NSD3: variants seen among roughly 807,000 people sequenced by gnomAD.
The protein encoded by NSD3 is nuclear receptor binding SET domain protein 3.
In NSD3, 24 loss-of-function variants were observed where a neutral mutation model predicts 160.8. The observed-to-expected ratio is 0.15, with a 90% CI of 0.11 to 0.21. NSD3 has a LOEUF of 0.21. Among genes scored for constraint, NSD3 ranks in the 10% least tolerant of loss-of-function variants. NSD3 has a pLI of 1.00. For missense variants in NSD3, 1,157 were observed against 1,735.9 expected, an observed-to-expected ratio of 0.67 and a Z score of 5.93; for synonymous variants, 520 against 600.0, an observed-to-expected ratio of 0.87 and a Z score of 1.95.
intron 12 of NSD3, among the ~76,000 whole-genome samples, chr8:38,313,093 A>G (rs1809571918): frequency 6.6e-6 from 1 of 152,236 alleles, no homozygotes. Context: ...ACTGTTCACA[A>G]GTTTTACTGC....
At position 38,381,926 on chromosome 8, in the gene NSD3, A is replaced by G. The variant is rs996143896; in HGVS notation, c.-172T>C. 1 of 152,806 alleles carries G rather than the reference A, an allele frequency of 6.5e-6. No homozygotes were observed. The highest frequency in any genetic ancestry group is 1.5e-5 in the Non-Finnish European group (1 of 68,356). The allele number at this position is 152,806 out of a possible 1,614,324, so 9.5% of individuals were successfully genotyped here. A position where few individuals can be genotyped will look rare whatever the true frequency, so the allele number is the denominator to read the frequency against. On this transcript the variant is annotated 5_prime_UTR_variant, in exon 1 of 24. Coordinates refer to ENST00000317025, the MANE Select transcript of NSD3 (RefSeq NM_023034.2). ...CGCGAGGAGGAGGCGGAACCGAGCTAGGCCGCATGAAATCCCCGGGCTAGA... is the reference window on the plus strand; with the variant it reads ...CGCGAGGAGGAGGCGGAACCGAGCTGGGCCGCATGAAATCCCCGGGCTAGA...
chr8:38,339,444 G>A (rs1424513521), intron 2 of NSD3, among the ~76,000 whole-genome samples: 1 of 151,974 alleles, frequency 6.6e-6, no homozygotes, highest in African/African-American at 2.4e-5. Context: ...TAATCTAGAT[G>A]GGCTGGGCAT....
chr8:38,362,138 A>G (rs1486621219), intron 1 of NSD3, among the ~76,000 whole-genome samples: 1 of 151,826 alleles, frequency 6.6e-6, no homozygotes, highest in East Asian at 1.9e-4. Context: ...ATATGGACAG[A>G]CTGAAAGTTA....
chr8:38,331,588 G>T lies in NSD3; in HGVS notation c.911-3C>A. On this transcript the variant is annotated splice_region_variant and splice_polypyrimidine_tract_variant and intron_variant, in intron 4 of 23. Coordinates refer to ENST00000317025, the MANE Select transcript of NSD3 (RefSeq NM_023034.2). ...CTGGACATGATATTCTCGGGCACCT[G>T]TAAGTAAAAATTCTTATTAACCATT... 1 of 1,608,524 alleles carries T rather than the reference G, an allele frequency of 6.2e-7. No homozygotes were observed. Among genetic ancestry groups the T allele is most frequent in the Non-Finnish European group, 8.5e-7 (1 of 1,178,522 alleles).
intron 1 of NSD3, among the ~76,000 whole-genome samples, chr8:38,355,074 G>A (rs1321850734): frequency 6.6e-6 from 1 of 152,162 alleles, no homozygotes; most frequent in Non-Finnish European, 1.5e-5. Context: ...CACACCAACT[G>A]ATAAAATGGT....
chr8:38,373,492 A>G (rs889652421), intron 1 of NSD3, among the ~76,000 whole-genome samples: 2 of 151,986 alleles, frequency 1.3e-5, no homozygotes, highest in African/African-American at 2.4e-5. Context: ...TAAAATGCCT[A>G]TTTCTTAAAG....
At position 38,329,272 on chromosome 8, in the gene NSD3, G is replaced by T; in HGVS notation, c.1581+106C>A. 1.5e-6 allele frequency: 2 copies of T among 1,311,836 alleles called. No individual in the cohort carries two copies. Among genetic ancestry groups the T allele is most frequent in the Non-Finnish European group, 2.1e-6 (2 of 963,164 alleles). 81.3% of individuals were successfully genotyped at this position (1,311,836 alleles called of 1,614,324 possible). A position where few individuals can be genotyped will look rare whatever the true frequency, so the allele number is the denominator to read the frequency against. On this transcript the variant is annotated intron_variant, in intron 6 of 23. Transcript: ENST00000317025. This position sits in a 1 kb window ranked among gnomAD's most constrained non-coding sequence, Gnocchi z 4.8. Reference sequence around the variant, plus strand: ...AATGACTGTATGTTTCAAATTCAGTGGGTAGAAAGGGTATTTAAATTATGC... The same window carrying T: ...AATGACTGTATGTTTCAAATTCAGTTGGTAGAAAGGGTATTTAAATTATGC...
chr8:38,372,932 T>TC (rs113260566), intron 1 of NSD3, among the ~76,000 whole-genome samples: 33,152 of 149,446 alleles, frequency 0.22, 3,867 homozygotes, highest in East Asian at 0.3. Flanking sequence ...GCACCTGTAG[T>TC]CGAGCTACTC....
At chr8:38,299,611 G>A in intron 14 of NSD3, 21 bp from the exon 15 acceptor site, 3 of 1,499,972 alleles carry the variant, frequency 2.0e-6, no homozygotes, top group Non-Finnish European at 2.7e-6. Context: ...CAAACAGAAA[G>A]AGATGAGCTG....
Position 38,317,875 on chromosome 8 carries a change from C to A in NSD3, c.1855+1020G>T, listed in dbSNP as rs1809707537. 1 of 1,587,976 alleles carries A rather than the reference C, an allele frequency of 6.3e-7. No homozygotes were observed. ...GAAATCAAAATCGAAAACAAAGAAACTGTTTATCAAGCCGCCGACAAAGAA... is the reference window on the plus strand; with the variant it reads ...GAAATCAAAATCGAAAACAAAGAAAATGTTTATCAAGCCGCCGACAAAGAA... On this transcript the variant is annotated intron_variant, in intron 9 of 23. Transcript: ENST00000317025. This position sits in a 1 kb window ranked among gnomAD's most constrained non-coding sequence, Gnocchi z 5.3.
At chr8:38,360,015 T>G (rs1038571506) in intron 1 of NSD3, among the ~76,000 whole-genome samples, 6 of 151,764 alleles carry the variant, frequency 4.0e-5, no homozygotes, top group African/African-American at 1.5e-4. Context: ...TTTTTTTTTT[T>G]GAGACGGTCT....
chr8:38,347,210 C>A (rs2150383579), intron 2 of NSD3, among the ~76,000 whole-genome samples: 1 of 152,242 alleles, frequency 6.6e-6, no homozygotes, highest in South Asian at 2.1e-4. Flanking sequence ...TTTTCAAAAA[C>A]CAACAGTCTA....
chr8:38,369,846 G>T lies in NSD3; in HGVS notation c.-45+11953C>A, dbSNP rs183613323. Among the ~76,000 whole-genome samples the T allele has an allele frequency of 1.6e-4, 25 of 152,246 alleles. No homozygotes were observed. In the East Asian group the frequency reaches 4.4e-3, roughly 27 times the overall value. ...GTCTCGCTCTGTTGCCCAGGCTGGAGTGCAGTGGCACGATCTCAGCTCACT... is the reference window on the plus strand; with the variant it reads ...GTCTCGCTCTGTTGCCCAGGCTGGATTGCAGTGGCACGATCTCAGCTCACT... On this transcript the variant is annotated intron_variant, in intron 1 of 23. Transcript: ENST00000317025.
chr8:38,306,517 A>G (rs373627651), intron 12 of NSD3, among the ~76,000 whole-genome samples: 1 of 152,180 alleles, frequency 6.6e-6, no homozygotes, highest in Non-Finnish European at 1.5e-5. Flanking sequence ...ACAGGAAAAA[A>G]AGAAGAAACA....
intron 1 of NSD3, among the ~76,000 whole-genome samples, chr8:38,357,754 G>C (rs1169815064): frequency 6.6e-6 from 1 of 152,188 alleles, no homozygotes; most frequent in East Asian, 1.9e-4. Context: ...AGGCTCAGAG[G>C]AGGGGCTTCA....
In NSD3 at chr8:38,288,908, C is replaced by T; in HGVS notation, c.3232-152G>A. On this transcript the variant is annotated intron_variant, in intron 18 of 23. Transcript: ENST00000317025. The surrounding 1 kb of genome is among the most constrained non-coding windows in gnomAD (Gnocchi z 4.5). ...TGAATAAGCTGAGATTAATAACCATCTCTTTTGTCATTTAGTTGACAAAAA... is the reference window on the plus strand; with the variant it reads ...TGAATAAGCTGAGATTAATAACCATTTCTTTTGTCATTTAGTTGACAAAAA... The T allele has an allele frequency of 1.0e-6, 1 of 996,226 alleles. No homozygotes were observed. The highest frequency in any genetic ancestry group is 1.7e-5 in the South Asian group (1 of 57,330). The allele number at this position is 996,226 out of a possible 1,614,324, so 61.7% of individuals were successfully genotyped here.
At chr8:38,370,234 T>C (rs1034885228) in intron 1 of NSD3, among the ~76,000 whole-genome samples, 57 of 152,212 alleles carry the variant, frequency 3.7e-4, no homozygotes, top group African/African-American at 1.4e-3. Context: ...GTGATAAGTT[T>C]GCTACAGTTA....
intron 1 of NSD3, among the ~76,000 whole-genome samples, chr8:38,360,189 GT>G (rs1810926200): frequency 6.6e-6 from 1 of 151,984 alleles, no homozygotes; most frequent in Non-Finnish European, 1.5e-5. Context: ...TAGAGACAGG[GT>G]TTTGCCATGT....
chr8:38,324,899 C>A (rs1563355001), intron 7 of NSD3, among the ~76,000 whole-genome samples: 1 of 152,226 alleles, frequency 6.6e-6, no homozygotes, highest in African/African-American at 2.4e-5. Flanking sequence ...CACGAAGGTG[C>A]CTGTAGGGTG....
Sources: gnomAD v4.1 joint callset for allele counts (sites outside exome capture counted in the v4.1 genomes callset) on GRCh38, gnomAD v4.1.1 for gene constraint, Gnocchi (gnomAD v3.1) non-coding constraint, MANE v1.5 for transcripts, NCBI Gene and HGNC (gene_info 2026-07-23, HGNC 2026-07-21) for gene names.